The following ADGRG2 variants were observed in gnomAD, a reference collection of about 807,000 sequenced individuals.
ADGRG2 encodes the protein adhesion G protein-coupled receptor G2.
In ADGRG2, 26 loss-of-function variants were observed where a neutral mutation model predicts 74.1. The ratio of observed to expected loss-of-function variants is 0.35; its 90% CI spans 0.26 to 0.49. The LOEUF (loss-of-function observed/expected upper bound fraction) is 0.49, where lower values mean the gene tolerates loss of function less well. Among genes scored for constraint, ADGRG2 ranks in the 20% least tolerant of loss-of-function variants. The probability of loss-of-function intolerance (pLI) is 0.99; values close to 1 mark genes in which losing one functional copy is unlikely to be tolerated. For synonymous variants in ADGRG2, 296 were observed against 295.2 expected, an observed-to-expected ratio of 1.00 and a Z score of -0.03; for missense variants, 619 against 763.1, an observed-to-expected ratio of 0.81 and a Z score of 2.22.
At chrX:19,039,943 T>C (rs2061021553) in intron 4 of ADGRG2, among the ~76,000 whole-genome samples, 1 of 112,224 alleles carries the variant, frequency 8.9e-6, no homozygotes, top group African/African-American at 3.2e-5. Flanking sequence ...GTAATTACTG[T>C]AATGAAAACT....
At chrX:19,095,463 G>A (rs1602106518) in intron 1 of ADGRG2, among the ~76,000 whole-genome samples, 1 of 111,214 alleles carries the variant, frequency 9.0e-6, no homozygotes, top group East Asian at 2.8e-4. Context: ...TGAGTGCTCT[G>A]CAAACTTTAT....
intron 3 of ADGRG2, among the ~76,000 whole-genome samples, chrX:19,061,800 G>A (rs976720727): frequency 8.9e-5 from 10 of 112,040 alleles, no homozygotes; most frequent in Non-Finnish European, 1.7e-4. Flanking sequence ...TCAAGATGGC[G>A]CCTGGGCTGA....
chrX:18,995,452 G>A (rs533965365), intron 27 of ADGRG2, among the ~76,000 whole-genome samples: 2 of 110,986 alleles, frequency 1.8e-5, no homozygotes, highest in African/African-American at 6.6e-5. Flanking sequence ...ACAGACTCCC[G>A]TGTCGCCCAG....
rs778257924 is a variant in ADGRG2 at position 19,013,764 on chromosome X, C to T, written c.1021G>A (p.Val341Met). ...GTGGGAGAGGAAAATGAGGCTTTCA[C>T]AGGAGGTGGGGTGCCGGAGACATGG... is the stretch of plus-strand genomic sequence containing the variant. ...QTHVSGTPPP[V>M]KASFSSPTVS... is the part of the protein sequence containing the mutation. Residue 341 changes from valine (V) to methionine (M), a missense_variant, in exon 16 of 29, where the codon GTG (valine) becomes ATG (methionine). By Grantham distance (21) the Val-to-Met change is conservative. Around this residue, in one of 3 missense-constraint regions of ADGRG2, gnomAD observed 292 missense variants for 318.0 expected, o/e 0.92. Coordinates refer to ENST00000379869, the MANE Select transcript of ADGRG2 (RefSeq NM_001079858.3). The T allele has an allele frequency of 8.3e-6, 10 of 1,197,620 alleles. No homozygotes were observed. The South Asian group carries it at 1.3e-4, about 16-fold the overall frequency.
intron 2 of ADGRG2, among the ~76,000 whole-genome samples, chrX:19,071,779 A>T (rs1352545278): frequency 9.0e-6 from 1 of 110,642 alleles, no homozygotes; most frequent in Non-Finnish European, 1.9e-5. Flanking sequence ...TTTAAAAATT[A>T]ACATTTTTTA....
rs745533304 is a variant in ADGRG2, at chrX:18,994,908, C to T, written c.2857G>A (p.Ala953Thr). 7.5e-6 allele frequency: 9 copies of T among 1,196,878 alleles called. No homozygotes were observed. The highest frequency in any genetic ancestry group is 2.2e-5 in the Admixed American group (1 of 44,934). ...LLVNNDCSVH[A>T]SGNGNASTER... is the part of the protein sequence containing the mutation. ...GAGACATACATACCATTCCCGCTTG[C>T]GTGTACTGAGCAATCATTATTCACT... Residue 953 changes from alanine (A) to threonine (T), a missense_variant, in exon 28 of 29, where the codon GCA becomes ACA. Physicochemically the swap from Ala to Thr is moderately conservative, Grantham distance 58. Coordinates refer to ENST00000379869, the MANE Select transcript of ADGRG2 (RefSeq NM_001079858.3).
At chrX:19,085,953 C>T (rs2061928650) in intron 1 of ADGRG2, among the ~76,000 whole-genome samples, 1 of 111,678 alleles carries the variant, frequency 9.0e-6, no homozygotes, top group Non-Finnish European at 1.9e-5. Flanking sequence ...ACAAAGACTT[C>T]TGGTTTCAGG....
At chrX:19,088,630 G>A (rs946750285) in intron 1 of ADGRG2, among the ~76,000 whole-genome samples, 1 of 111,144 alleles carries the variant, frequency 9.0e-6, no homozygotes, top group Non-Finnish European at 1.9e-5. Flanking sequence ...TGGGACTACA[G>A]ACACATGCCA....
intron 9 of ADGRG2, among the ~76,000 whole-genome samples, chrX:19,029,289 C>CA (rs1169475935): frequency 1.8e-5 from 2 of 111,928 alleles, no homozygotes; most frequent in Non-Finnish European, 3.8e-5. Flanking sequence ...TTTTAAAAAT[C>CA]TTAGCTTTTA....
intron 2 of ADGRG2, among the ~76,000 whole-genome samples, chrX:19,076,698 G>T (rs1039782105): frequency 1.8e-5 from 2 of 111,431 alleles, no homozygotes; most frequent in Non-Finnish European, 3.8e-5. Flanking sequence ...GAACCCGGGA[G>T]GTGGAGGTTG....
At chrX:18,996,633 T>C (rs189645635) in intron 26 of ADGRG2, among the ~76,000 whole-genome samples, 90 of 108,155 alleles carry the variant, frequency 8.3e-4, no homozygotes, top group African/African-American at 2.7e-3. Context: ...GATCTCTCTC[T>C]CCCCCTCAAA....
At chrX:19,027,858 T>C (rs961709441) in intron 10 of ADGRG2, among the ~76,000 whole-genome samples, 14 of 112,539 alleles carry the variant, frequency 1.2e-4, no homozygotes, top group African/African-American at 1.9e-4. Context: ...ATATTATTCA[T>C]AGATTCAATA....
In ADGRG2 at chrX:19,035,947, T is replaced by C. The variant is rs752934136; in HGVS notation, c.257A>G (p.Glu86Gly). Residue 86 changes from glutamate (E) to glycine (G), a missense_variant, in exon 7 of 29, where the codon GAA becomes GGA. This residue lies in a region of ADGRG2 where 292 missense variants were observed against 318.0 expected (regional missense o/e 0.92). Transcript: ENST00000379869. ...DVTLSLLPSN[E>G]TEKTKITIVK... ...TAGAAATCACTTGATATTACCTGTT[T>C]CGTTTGAAGGGAGTAAGCTTAAAGT... is the stretch of plus-strand genomic sequence containing the variant. 32 of 982,424 alleles carry C rather than the reference T, an allele frequency of 3.3e-5. No homozygotes were observed. In the South Asian group the frequency reaches 5.2e-4, roughly 16 times the overall value. The allele number at this position is 982,424 out of a possible 1,213,427, so 81.0% of individuals were successfully genotyped here. A position where few individuals can be genotyped will look rare whatever the true frequency, so the allele number is the denominator to read the frequency against.
intron 6 of ADGRG2, among the ~76,000 whole-genome samples, chrX:19,036,708 G>A (rs931748278): frequency 8.1e-5 from 9 of 110,594 alleles, no homozygotes; most frequent in East Asian, 5.7e-4. Flanking sequence ...TTTTCACTGT[G>A]AGAAGTAACT....
intron 18 of ADGRG2, among the ~76,000 whole-genome samples, chrX:19,009,339 G>A (rs938787210): frequency 2.7e-5 from 3 of 110,403 alleles, no homozygotes; most frequent in East Asian, 2.9e-4. Context: ...CACCACGCCC[G>A]GCTAATTTTT....
intron 1 of ADGRG2, among the ~76,000 whole-genome samples, chrX:19,087,243 G>C (rs989312715): frequency 1.8e-5 from 2 of 112,225 alleles, no homozygotes; most frequent in Non-Finnish European, 1.9e-5. Context: ...GAAAACTAAA[G>C]ATCATTCATT....
intron 13 of ADGRG2, chrX:19,021,452 G>A (rs2060587324): frequency 5.2e-6 from 2 of 382,520 alleles, no homozygotes; most frequent in African/African-American, 2.5e-5. Flanking sequence ...ACCACACATA[G>A]GTGCTGGCTC....
chrX:19,024,144 C>A (rs2060652948), intron 11 of ADGRG2, among the ~76,000 whole-genome samples, 196 bp from the exon 12 acceptor site: 1 of 111,842 alleles, frequency 8.9e-6, no homozygotes, highest in Non-Finnish European at 1.9e-5. Flanking sequence ...GGAAACCAAC[C>A]AGACAGGAGC....
chrX:19,085,796 A>G (rs1431437502), intron 1 of ADGRG2, among the ~76,000 whole-genome samples: 2 of 111,356 alleles, frequency 1.8e-5, no homozygotes, highest in Non-Finnish European at 3.8e-5. Context: ...GATTTCTTCT[A>G]GTGAAGAAAA....
Sources: gnomAD v4.1 joint callset for allele counts (sites outside exome capture counted in the v4.1 genomes callset) on GRCh38, gnomAD v4.1.1 for gene constraint, gnomAD v4.1.1 regional missense constraint, MANE v1.5 for transcripts, NCBI Gene and HGNC (gene_info 2026-07-23, HGNC 2026-07-21) for gene names.